Variants in DARS2 observed in about 807,000 individuals in gnomAD.
DARS2 encodes the protein aspartyl-tRNA synthetase 2, mitochondrial.
DARS2 carries 63 observed loss-of-function variants against 83.0 expected under a neutral mutation model. That is an observed-to-expected ratio of 0.76 (90% CI 0.62 to 0.94). The LOEUF is 0.94. DARS2 is among the 40% of genes least tolerant of loss of function. The pLI is 0.00. For missense variants in DARS2, 675 were observed against 774.4 expected (o/e 0.87, Z 1.52); for synonymous variants, 250 against 269.3 (o/e 0.93, Z 0.70).
rs1653129227 is a variant in DARS2, at chr1:173,839,502, G to A, written c.976G>A (p.Ala326Thr). ...FPTMTFAEVLATYGTDKPDTR... is the reference protein window; with the variant it reads ...FPTMTFAEVLTTYGTDKPDTR... ...TACTATGACTTTTGCTGAGGTGCTG[G>A]CCACCTATGGAACTGATAAACCTGA... The change falls in exon 10 of 17, where the codon GCC becomes ACC. Residue 326 changes from alanine to threonine, a missense_variant. Coordinates refer to ENST00000649689, the MANE Select transcript of DARS2 (RefSeq NM_018122.5). 2 of 1,613,980 alleles carry A rather than the reference G, an allele frequency of 1.2e-6. No homozygotes were observed. Among genetic ancestry groups the A allele is most frequent in the Admixed American group, 1.7e-5 (1 of 59,986 alleles).
chr1:173,853,865 A>G lies in DARS2; in HGVS notation c.1634A>G (p.Asn545Ser). The change falls in exon 15 of 17, where the codon AAT (asparagine) becomes AGT (serine). Residue 545 changes from asparagine (N) to serine (S), a missense_variant. Transcript: ENST00000649689. ...EIGGGSIRIH[N>S]AELQRYILAT... ...GGAGGTGGTTCAATTCGAATTCACA[A>G]TGCAGAGCTGCAGCGTTATATCCTG... 1.2e-6 allele frequency: 2 copies of G among 1,614,218 alleles called. No individual in the cohort carries two copies. The highest frequency in any genetic ancestry group is 1.7e-6 in the Non-Finnish European group (2 of 1,180,044).
At chr1:173,842,534 C>T (rs1221658524) in intron 11 of DARS2, among the ~76,000 whole-genome samples, 1 of 149,870 alleles carries the variant, frequency 6.7e-6, no homozygotes, top group African/African-American at 2.4e-5. Context: ...AACTCCTGAC[C>T]TCAGGTGATC....
At chr1:173,828,260 A>G in intron 2 of DARS2, 73 bp from the exon 3 acceptor site, 3 of 1,465,450 alleles carry the variant, frequency 2.0e-6, no homozygotes, top group Non-Finnish European at 2.8e-6. Context: ...TTTGCTTTTT[A>G]TTTTGTATGC....
At chr1:173,838,158 A>T in intron 8 of DARS2, 32 bp from the exon 9 acceptor site, 1 of 1,554,076 alleles carries the variant, frequency 6.4e-7, no homozygotes, top group South Asian at 1.1e-5. Flanking sequence ...TCCTAGAATC[A>T]TAACTCAATT....
chr1:173,831,515 CT>C lies in DARS2; in HGVS notation c.397-18del. ...ATCCTGATGAGTAATTTTTAAAACC[CT>C]TCCTTCTCACTCTCCAAGAAAATGC... On this transcript the variant is annotated intron_variant, in intron 4 of 16. Transcript: ENST00000649689. The C allele has an allele frequency of 6.3e-7, 1 of 1,576,216 alleles. No individual in the cohort carries two copies.
intron 14 of DARS2, 64 bp downstream of exon 14, chr1:173,853,631 T>G: frequency 6.3e-7 from 1 of 1,590,596 alleles, no homozygotes; most frequent in Middle Eastern, 1.7e-4. Context: ...ACTTCAGACT[T>G]CAAGGTCTGA....
chr1:173,830,831 G>A, intron 4 of DARS2, 70 bp downstream of exon 4: 2 of 1,148,020 alleles, frequency 1.7e-6, no homozygotes, highest in Non-Finnish European at 2.6e-6. Context: ...TACACATTCT[G>A]GCAACACATG....
At chr1:173,842,306 T>TTTTTTTTTTTTTTTTTTTTTG in intron 11 of DARS2, among the ~76,000 whole-genome samples, 1 of 95,638 alleles carries the variant, frequency 1.0e-5, no homozygotes, top group East Asian at 3.2e-4. Flanking sequence ...TTTTTTTTTT[T>TTTTTTTTTTTTTTTTTTTTTG]TTTTTTTTTT....
In DARS2 at chr1:173,858,101, T is replaced by C. The variant is rs765636264; in HGVS notation, c.*396T>C. ...ATGCTTGCCCCTGTAAACTAGTGAG[T>C]TGATGGAGCATTTGCTTCATCATCC... On this transcript the variant is annotated 3_prime_UTR_variant, in exon 17 of 17. Coordinates refer to ENST00000649689, the MANE Select transcript of DARS2 (RefSeq NM_018122.5). 48 of 248,262 alleles carry C rather than the reference T, an allele frequency of 1.9e-4. No individual in the cohort carries two copies. Among genetic ancestry groups the C allele is most frequent in the Admixed American group, 3.0e-4 (6 of 19,940 alleles). 15.4% of individuals were successfully genotyped at this position (248,262 alleles called of 1,614,324 possible). A position where few individuals can be genotyped will look rare whatever the true frequency, so the allele number is the denominator to read the frequency against.
intron 14 of DARS2, 35 bp from the exon 15 acceptor site, chr1:173,853,760 T>C: frequency 6.3e-7 from 1 of 1,593,552 alleles, no homozygotes; most frequent in Non-Finnish European, 8.6e-7. Flanking sequence ...AAACCAGACA[T>C]TTTCTCTAAC....
intron 8 of DARS2, 80 bp from the exon 9 acceptor site, chr1:173,838,110 G>T: frequency 9.1e-7 from 1 of 1,099,412 alleles, no homozygotes; most frequent in Non-Finnish European, 1.4e-6. Flanking sequence ...TTTATAGCTT[G>T]CATTGCTTTA....
chr1:173,831,246 A>G (rs1652787545), intron 4 of DARS2, among the ~76,000 whole-genome samples: 2 of 146,658 alleles, frequency 1.4e-5, no homozygotes, highest in Admixed American at 1.4e-4. Context: ...CGGGTCTTGC[A>G]GTATTACCCA....
chr1:173,854,043 A>G, intron 15 of DARS2, 138 bp downstream of exon 15: 1 of 736,588 alleles, frequency 1.4e-6, no homozygotes, highest in Non-Finnish European at 2.3e-6. Context: ...TGGTGCATTC[A>G]TAGCTCACTG....
chr1:173,851,939 G>A, intron 13 of DARS2: 1 of 985,082 alleles, frequency 1.0e-6, no homozygotes, highest in Non-Finnish European at 1.2e-6. Flanking sequence ...ATTTTATTAT[G>A]AATGCATTTC....
At chr1:173,853,131 T>C (rs887562915) in intron 13 of DARS2, among the ~76,000 whole-genome samples, 6 of 152,212 alleles carry the variant, frequency 3.9e-5, no homozygotes, top group African/African-American at 1.4e-4. Context: ...CACCGAGTTA[T>C]CAGTACTCAC....
At chr1:173,849,734 C>T (rs1246532820) in intron 12 of DARS2, among the ~76,000 whole-genome samples, 1 of 152,088 alleles carries the variant, frequency 6.6e-6, no homozygotes, top group Non-Finnish European at 1.5e-5. Context: ...CTTCCTGCAC[C>T]TTGCTTCTTT....
rs1652429269 is a variant in DARS2 at position 173,825,170 on chromosome 1, CTT to C, written c.-57_-56del. The stretch of plus-strand genomic sequence containing the variant: ...GATTTCTGTGTATTTCCAAAACTGA[CTT>C]TTAACTACCGGCAGCGTGGGATTTC... On this transcript the variant is annotated 5_prime_UTR_variant, in exon 1 of 17. Transcript: ENST00000649689. 7 of 1,595,450 alleles carry C rather than the reference CTT, an allele frequency of 4.4e-6. No individual in the cohort carries two copies. The highest frequency in any genetic ancestry group is 3.4e-5 in the Admixed American group (2 of 59,458).
chr1:173,825,127 A>G lies in DARS2; in HGVS notation c.-103A>G. Reference sequence around the variant, plus strand: ...TTAAATATTCGAGAAGAGAGTGGGAACTCCTGGAATTTTAAGGGATTTCTG... The same window carrying G: ...TTAAATATTCGAGAAGAGAGTGGGAGCTCCTGGAATTTTAAGGGATTTCTG... On this transcript the variant is annotated 5_prime_UTR_variant, in exon 1 of 17. Transcript: ENST00000649689. 6.5e-7 allele frequency: 1 copy of G among 1,533,732 alleles called. No individual in the cohort carries two copies. Among genetic ancestry groups the G allele is most frequent in the Non-Finnish European group, 8.9e-7 (1 of 1,117,984 alleles).
intron 13 of DARS2, chr1:173,852,011 G>A: frequency 1.0e-6 from 1 of 985,398 alleles, no homozygotes; most frequent in Non-Finnish European, 1.2e-6. Flanking sequence ...CTCTTGGTAT[G>A]AACTAAACAT....
Sources: allele counts gnomAD v4.1 joint callset (sites outside exome capture counted in the v4.1 genomes callset), GRCh38; gene constraint gnomAD v4.1.1; transcripts MANE v1.5; gene names NCBI Gene and HGNC (gene_info 2026-07-23, HGNC 2026-07-21).